The following EML5 variants were observed in gnomAD, a reference collection of about 807,000 sequenced individuals.
EML5 encodes echinoderm microtubule-associated protein-like 5.
In EML5, 120 loss-of-function variants were observed where a neutral mutation model predicts 250.0. That is an observed-to-expected ratio of 0.48 (90% CI 0.41 to 0.56). The LOEUF (loss-of-function observed/expected upper bound fraction) is 0.56, where lower values mean the gene tolerates loss of function less well. Ranked by LOEUF, EML5 falls within the 20% of genes least tolerant of loss-of-function variation. EML5 has a pLI of 0.00. For synonymous variants in EML5, 771 were observed against 806.5 expected (o/e 0.96, Z 0.75); for missense variants, 2,006 against 2,437.6 (o/e 0.82, Z 3.73).
intron 33 of EML5, among the ~76,000 whole-genome samples, chr14:88,631,279 T>A (rs944853516): frequency 1.4e-4 from 21 of 152,224 alleles, no homozygotes; most frequent in African/African-American, 5.1e-4. Context: ...CATGATGTGA[T>A]CATGACACAC....
intron 2 of EML5, among the ~76,000 whole-genome samples, chr14:88,746,664 C>T (rs1021810281): frequency 6.6e-6 from 1 of 152,106 alleles, no homozygotes; most frequent in South Asian, 2.1e-4. Context: ...AAAACACCTA[C>T]ACCTACTGGA....
In EML5 at chr14:88,731,487, G is replaced by A. The variant is rs2093757746; in HGVS notation, c.1050-4809C>T. Among the ~76,000 whole-genome samples, 4 of 152,176 alleles carry A rather than the reference G, an allele frequency of 2.6e-5. No individual in the cohort carries two copies. In the South Asian group the frequency reaches 8.3e-4, roughly 32 times the overall value. On this transcript the variant is annotated intron_variant, in intron 7 of 43. Coordinates refer to ENST00000554922, the MANE Select transcript of EML5 (RefSeq NM_183387.3). ...CTATCACTGATGGACATTTGGGTTG[G>A]TTCCAAGTCTTTGCTATTGTGAATA...
At chr14:88,757,663 T>G (rs749638640) in intron 1 of EML5, among the ~76,000 whole-genome samples, 1 of 152,110 alleles carries the variant, frequency 6.6e-6, no homozygotes, top group Non-Finnish European at 1.5e-5. Flanking sequence ...AATAAAGGAT[T>G]TTAACAGACA....
chr14:88,626,276 A>G (rs1040643692), intron 35 of EML5: 5 of 152,416 alleles, frequency 3.3e-5, no homozygotes, highest in African/African-American at 1.2e-4. Context: ...TAGGGTGACA[A>G]TTAGAAGATT....
At chr14:88,624,798 C>T in intron 36 of EML5, 172 bp downstream of exon 36, 2 of 746,070 alleles carry the variant, frequency 2.7e-6, no homozygotes, top group Non-Finnish European at 4.2e-6. Context: ...TGAATTAAGA[C>T]CAGAAATGAG....
chr14:88,730,626 GA>G (rs2093740246), intron 7 of EML5, among the ~76,000 whole-genome samples: 1 of 152,192 alleles, frequency 6.6e-6, no homozygotes, highest in South Asian at 2.1e-4. Flanking sequence ...TGGGTTAACA[GA>G]TGTTACAGAT....
chr14:88,763,684 C>T (rs1442778825), intron 1 of EML5, among the ~76,000 whole-genome samples: 3 of 152,186 alleles, frequency 2.0e-5, no homozygotes, highest in Non-Finnish European at 4.4e-5. Context: ...GATACCAAAA[C>T]ATGGCAGAGA....
chr14:88,769,960 T>G (rs541133499), intron 1 of EML5, among the ~76,000 whole-genome samples: 1 of 148,216 alleles, frequency 6.7e-6, no homozygotes, highest in Non-Finnish European at 1.5e-5. Flanking sequence ...TACAGCATTA[T>G]GTGCAGTTTT....
chr14:88,749,266 G>A (rs2094054598), intron 2 of EML5, among the ~76,000 whole-genome samples: 1 of 152,184 alleles, frequency 6.6e-6, no homozygotes, highest in Non-Finnish European at 1.5e-5. Context: ...ATGTAAGTTA[G>A]AAGACAATGG....
intron 28 of EML5, among the ~76,000 whole-genome samples, chr14:88,649,328 T>C (rs1345118960): frequency 6.6e-6 from 1 of 152,244 alleles, no homozygotes; most frequent in Admixed American, 6.5e-5. Context: ...GAGCCACAAT[T>C]ACAGGCCTGA....
At chr14:88,660,060 G>A (rs987920808) in intron 25 of EML5, among the ~76,000 whole-genome samples, 1 of 152,032 alleles carries the variant, frequency 6.6e-6, no homozygotes, top group African/African-American at 2.4e-5. Context: ...AGGATCACCT[G>A]GGTTCAGGAG....
intron 7 of EML5, among the ~76,000 whole-genome samples, chr14:88,727,953 A>C (rs2093692641): frequency 6.6e-6 from 1 of 152,368 alleles, no homozygotes; most frequent in East Asian, 1.9e-4. Context: ...CATATAATCT[A>C]AAAGACAAAG....
At chr14:88,647,687 CAAAAAAAAA>C (rs34191990) in intron 28 of EML5, among the ~76,000 whole-genome samples, 3 of 48,744 alleles carry the variant, frequency 6.2e-5, no homozygotes, top group Non-Finnish European at 7.7e-5. Flanking sequence ...GAGACCGTCT[CAAAAAAAAA>C]AAAAAAAAAA....
intron 27 of EML5, among the ~76,000 whole-genome samples, chr14:88,656,159 C>T (rs983247869): frequency 6.6e-6 from 1 of 152,194 alleles, no homozygotes; most frequent in African/African-American, 2.4e-5. Context: ...TATAAAGACA[C>T]ATGCACATGT....
intron 27 of EML5, among the ~76,000 whole-genome samples, chr14:88,655,978 A>G (rs1341384041): frequency 6.6e-6 from 1 of 152,188 alleles, no homozygotes; most frequent in Non-Finnish European, 1.5e-5. Flanking sequence ...CAGATGCTGG[A>G]GAAGATGTGG....
chr14:88,616,993 CA>C, intron 41 of EML5, 114 bp from the exon 42 acceptor site: 2 of 945,044 alleles, frequency 2.1e-6, no homozygotes, highest in Non-Finnish European at 3.1e-6. Flanking sequence ...ACTTAAAATA[CA>C]GGAAGTAAAT....
At chr14:88,714,842 A>G in intron 9 of EML5, 97 bp downstream of exon 9, 2 of 1,214,804 alleles carry the variant, frequency 1.6e-6, no homozygotes, top group Non-Finnish European at 2.3e-6. Context: ...ATCTTCTTTG[A>G]TTTCCTATGA....
chr14:88,738,185 C>A (rs2140222925), intron 6 of EML5, among the ~76,000 whole-genome samples: 1 of 152,118 alleles, frequency 6.6e-6, no homozygotes, highest in Non-Finnish European at 1.5e-5. Flanking sequence ...CATTTACATG[C>A]TTATTATGTG....
chr14:88,718,340 TA>T (rs2139972888), intron 8 of EML5, among the ~76,000 whole-genome samples: 1 of 152,288 alleles, frequency 6.6e-6, no homozygotes, highest in African/African-American at 2.4e-5. Flanking sequence ...TGAGACTATC[TA>T]GGGAGAAAAC....
Sources: gnomAD v4.1 joint callset for allele counts (sites outside exome capture counted in the v4.1 genomes callset) on GRCh38, gnomAD v4.1.1 for gene constraint, MANE v1.5 for transcripts, NCBI Gene and HGNC (gene_info 2026-07-23, HGNC 2026-07-21) for gene names.